CFAP221: variants seen among roughly 807,000 people sequenced by gnomAD.
The protein encoded by CFAP221 is cilia and flagella associated protein 221.
A neutral mutation model predicts 113.1 loss-of-function variants in CFAP221; 97 were observed. That is an observed-to-expected ratio of 0.86 (90% confidence interval 0.73 to 1.02). The LOEUF (loss-of-function observed/expected upper bound fraction) is 1.02. CFAP221 is among the 50% of genes least tolerant of loss of function. The pLI, the probability that CFAP221 is intolerant of heterozygous loss-of-function variation, is 0.00. For synonymous variants in CFAP221, 331 were observed against 354.4 expected, an observed-to-expected ratio of 0.93 and a Z score of 0.74; for missense variants, 1,025 against 1,013.4, an observed-to-expected ratio of 1.01 and a Z score of -0.16.
At chr2:119,648,473 C>G in intron 22 of CFAP221, 1 of 324,466 alleles carries the variant, frequency 3.1e-6, no homozygotes, top group Non-Finnish European at 6.9e-6. Context: ...GTATCTGTGA[C>G]GACAGAGTCG....
intron 6 of CFAP221, among the ~76,000 whole-genome samples, chr2:119,586,301 A>T (rs1165530328): frequency 2.0e-5 from 3 of 152,098 alleles, no homozygotes; most frequent in African/African-American, 7.2e-5. Context: ...ACTGCACAGG[A>T]TGTAGAATTA....
chr2:119,634,434 T>G (rs1686987774), intron 19 of CFAP221, among the ~76,000 whole-genome samples: 1 of 152,152 alleles, frequency 6.6e-6, no homozygotes, highest in Admixed American at 6.5e-5. Flanking sequence ...ACCACTGCAC[T>G]CCGGCCTGGG....
At chr2:119,635,940 C>A (rs968143048) in intron 19 of CFAP221, among the ~76,000 whole-genome samples, 1 of 152,076 alleles carries the variant, frequency 6.6e-6, no homozygotes, top group Non-Finnish European at 1.5e-5. Flanking sequence ...AAAGAAGAAG[C>A]AATTATAATC....
intron 6 of CFAP221, among the ~76,000 whole-genome samples, chr2:119,584,822 A>G (rs1163284290): frequency 6.6e-6 from 1 of 152,072 alleles, no homozygotes; most frequent in Non-Finnish European, 1.5e-5. Flanking sequence ...AGCAATAGAA[A>G]CTCTCCTATT....
intron 15 of CFAP221, among the ~76,000 whole-genome samples, chr2:119,626,500 C>T (rs796460284): frequency 1.3e-4 from 20 of 152,214 alleles, no homozygotes; most frequent in African/African-American, 4.3e-4. Context: ...GTGCCCTCTG[C>T]TTCTTCTTGT....
At chr2:119,635,930 AAAG>A (rs1378775664) in intron 19 of CFAP221, among the ~76,000 whole-genome samples, 7 of 152,206 alleles carry the variant, frequency 4.6e-5, no homozygotes, top group African/African-American at 4.8e-5. Flanking sequence ...CACATCAAGA[AAAG>A]AAGAAGCAAT....
intron 6 of CFAP221, among the ~76,000 whole-genome samples, chr2:119,586,010 T>C (rs1056162809): frequency 4.6e-5 from 7 of 152,094 alleles, no homozygotes; most frequent in African/African-American, 1.7e-4. Flanking sequence ...CCTGGGAGTA[T>C]GAACTGGAAA....
chr2:119,583,889 A>G (rs1004011129), intron 6 of CFAP221, among the ~76,000 whole-genome samples: 4 of 152,172 alleles, frequency 2.6e-5, no homozygotes, highest in African/African-American at 7.2e-5. Flanking sequence ...CCTGCACCAG[A>G]CACCAAATCT....
Position 119,627,700 on chromosome 2 carries a change from T to C in CFAP221, c.1564T>C (p.Tyr522His). The C allele has an allele frequency of 6.2e-7, 1 of 1,613,896 alleles. No homozygotes were observed. The highest frequency in any genetic ancestry group is 8.5e-7 in the Non-Finnish European group (1 of 1,179,946). Residue 522 changes from tyrosine to histidine, a missense_variant, in exon 16 of 24, where the codon TAT (tyrosine) becomes CAT (histidine). Tyr to His is a moderately conservative substitution (Grantham distance 83). Coordinates refer to ENST00000413369, the MANE Select transcript of CFAP221 (RefSeq NM_001271049.2). The stretch of plus-strand genomic sequence containing the variant: ...CCTGAGGCGGATCAGTCAGGATGAT[T>C]ATACCAGCCGGTTCTCTGTGTCGCC... ...FFLRRISQDD[Y>H]TSRFSVSPKE...
At chr2:119,621,623 A>C (rs1685929332) in intron 14 of CFAP221, among the ~76,000 whole-genome samples, 1 of 152,190 alleles carries the variant, frequency 6.6e-6, no homozygotes, top group Admixed American at 6.5e-5. Context: ...TTATTCTAAA[A>C]GTGACCACAT....
intron 22 of CFAP221, among the ~76,000 whole-genome samples, chr2:119,650,339 A>T (rs1688051598): frequency 6.6e-6 from 1 of 152,246 alleles, no homozygotes. Context: ...TTGATTTGCC[A>T]TCTACTCAAA....
intron 20 of CFAP221, 94 bp downstream of exon 20, chr2:119,638,511 G>C: frequency 1.4e-6 from 2 of 1,470,300 alleles, no homozygotes; most frequent in Non-Finnish European, 1.9e-6. Flanking sequence ...TTGCGACAAA[G>C]GTTTGCCGCC....
At chr2:119,642,999 C>T (rs748917085) in intron 21 of CFAP221, among the ~76,000 whole-genome samples, 5 of 152,042 alleles carry the variant, frequency 3.3e-5, no homozygotes, top group East Asian at 3.9e-4. Context: ...CTATGTTGCC[C>T]GGGCTGATCT....
intron 6 of CFAP221, among the ~76,000 whole-genome samples, chr2:119,583,394 T>C (rs1404532328): frequency 1.6e-5 from 1 of 63,064 alleles, no homozygotes; most frequent in Non-Finnish European, 3.0e-5. Context: ...GGAAATAGTC[T>C]CTTTTTTTTT....
intron 14 of CFAP221, among the ~76,000 whole-genome samples, chr2:119,621,447 A>C (rs576116939): frequency 6.6e-6 from 1 of 152,168 alleles, no homozygotes; most frequent in Non-Finnish European, 1.5e-5. Flanking sequence ...ATAGTGGGAG[A>C]CTTTAACGCC....
chr2:119,568,169 T>C (rs1681781683), intron 6 of CFAP221, among the ~76,000 whole-genome samples: 1 of 152,236 alleles, frequency 6.6e-6, no homozygotes, highest in South Asian at 2.1e-4. Context: ...TATCTGTGAC[T>C]ATTTGAACGT....
chr2:119,582,140 C>T (rs116515517), intron 6 of CFAP221, among the ~76,000 whole-genome samples: 184 of 152,154 alleles, frequency 1.2e-3, no homozygotes, highest in African/African-American at 4.2e-3. Flanking sequence ...ACACACAATC[C>T]TCACTAAAAG....
chr2:119,621,553 C>A (rs186822806), intron 14 of CFAP221, among the ~76,000 whole-genome samples: 15 of 152,286 alleles, frequency 9.8e-5, no homozygotes, highest in Non-Finnish European at 2.2e-4. Flanking sequence ...TAATAAATAT[C>A]TACGGAACTC....
At chr2:119,654,332 A>T (rs1167946129) in intron 23 of CFAP221, among the ~76,000 whole-genome samples, 1 of 152,192 alleles carries the variant, frequency 6.6e-6, no homozygotes, top group South Asian at 2.1e-4. Flanking sequence ...AACCTCTTGC[A>T]CCTCAACACA....
Sources: allele counts gnomAD v4.1 joint callset (sites outside exome capture counted in the v4.1 genomes callset), GRCh38; gene constraint gnomAD v4.1.1; transcripts MANE v1.5; gene names NCBI Gene and HGNC (gene_info 2026-07-23, HGNC 2026-07-21).